The following DARS1 variants were observed in gnomAD, a reference collection of about 807,000 sequenced individuals.
DARS1 encodes aspartate--tRNA ligase, cytoplasmic.
DARS1 carries 51 observed loss-of-function variants against 68.8 expected under a neutral mutation model. That is an observed-to-expected ratio of 0.74 (90% CI 0.59 to 0.94). The LOEUF is 0.94. Among genes scored for constraint, DARS1 ranks in the 40% least tolerant of loss-of-function variants. DARS1 has a pLI of 0.00. For synonymous variants in DARS1, 203 were observed against 190.4 expected (o/e 1.07, Z -0.55); for missense variants, 607 against 597.3 (o/e 1.02, Z -0.17).
At chr2:135,941,965 C>T (rs1301487590) in intron 5 of DARS1, among the ~76,000 whole-genome samples, 1 of 152,178 alleles carries the variant, frequency 6.6e-6, no homozygotes, top group African/African-American at 2.4e-5. Flanking sequence ...TACCATCTCA[C>T]ACCAGTTAGA....
rs78143716 is a variant in DARS1, at chr2:135,936,925, G to A, written c.424-2935C>T. Among the ~76,000 whole-genome samples, 1,271 of 152,238 alleles carry A rather than the reference G, an allele frequency of 8.3e-3. 14 individuals are homozygous for A. The highest frequency in any genetic ancestry group is 0.027 in the African/African-American group (1,127 of 41,542). On this transcript the variant is annotated intron_variant, in intron 5 of 15. Transcript: ENST00000264161. ...GACTCTTACATATGGTCATGCATGT[G>A]CACACGGATCAGGGCGGGAAGAGGC...
At position 135,943,470 on chromosome 2, in the gene DARS1, CTT is replaced by C; in HGVS notation, c.329_330del (p.Lys110ArgfsTer26). The C allele has an allele frequency of 6.2e-7, 1 of 1,612,982 alleles. No individual in the cohort carries two copies. Among genetic ancestry groups the C allele is most frequent in the Non-Finnish European group, 8.5e-7 (1 of 1,179,626 alleles). On this transcript the variant is annotated frameshift_variant, in exon 5 of 16. Coordinates refer to ENST00000264161, the MANE Select transcript of DARS1 (RefSeq NM_001349.4). LOFTEE classifies it high-confidence loss of function. ...QMVKFAANINKESIVDVEGVV... is the reference protein window; with the variant it reads ...QMVKFAANINXESIVDVEGVV... ...ACACCTTCTACATCCACAATGCTCT[CTT>C]TGTTGATGCTGTCAAGAGAAAAAAT...
intron 15 of DARS1, among the ~76,000 whole-genome samples, 183 bp from the exon 16 acceptor site, chr2:135,907,590 G>A (rs1680815335): frequency 1.3e-5 from 2 of 152,122 alleles, no homozygotes; most frequent in African/African-American, 4.8e-5. Context: ...TAAAGATGCT[G>A]CTATAAATGA....
At position 135,941,668 on chromosome 2, in the gene DARS1, T is replaced by A. The variant is rs553337433; in HGVS notation, c.423+1710A>T. ...GCCAAAATTGACAAATGGGATCTAA[T>A]TAAACTAAAGAGCTTCTGCACAGCA... is the stretch of plus-strand genomic sequence containing the variant. On this transcript the variant is annotated intron_variant, in intron 5 of 15. Transcript: ENST00000264161. 3.2e-3 allele frequency among the ~76,000 whole-genome samples: 475 copies of A among 150,750 alleles called. 1 individual carries two copies. The highest frequency in any genetic ancestry group is 0.011 in the African/African-American group (461 of 41,176).
At chr2:135,961,918 A>G (rs1209217330) in intron 3 of DARS1, among the ~76,000 whole-genome samples, 1 of 152,240 alleles carries the variant, frequency 6.6e-6, no homozygotes. Flanking sequence ...TACTGCAACC[A>G]CAAAAGTGCT....
intron 7 of DARS1, among the ~76,000 whole-genome samples, chr2:135,928,408 T>C (rs1222700545): frequency 6.6e-6 from 1 of 152,070 alleles, no homozygotes; most frequent in Non-Finnish European, 1.5e-5. Flanking sequence ...TTTTTTTTTG[T>C]TTTTTGAGAT....
intron 7 of DARS1, among the ~76,000 whole-genome samples, chr2:135,927,685 TAAAC>T (rs1186643005): frequency 6.6e-6 from 1 of 152,072 alleles, no homozygotes; most frequent in African/African-American, 2.4e-5. Flanking sequence ...AGGTAGAAGA[TAAAC>T]TAAACAGAAA....
At chr2:135,910,879 T>C in intron 15 of DARS1, 1 of 358,336 alleles carries the variant, frequency 2.8e-6, no homozygotes, top group Non-Finnish European at 5.2e-6. Flanking sequence ...TTTGTGCTAA[T>C]GCGAATGAAC....
rs1467378978 is a variant in DARS1 at position 135,910,297 on chromosome 2, C to A, written c.1414+842G>T. Among the ~76,000 whole-genome samples the A allele has an allele frequency of 2.6e-5, 4 of 152,280 alleles. No individual in the cohort carries two copies. The East Asian group carries it at 7.7e-4, about 29-fold the overall frequency. ...TACATTCCCATCAACTATTTACAAA[C>A]AAGGATTCCCTTTTCTCCACATCCT... On this transcript the variant is annotated intron_variant, in intron 15 of 15. Transcript: ENST00000264161.
At chr2:135,932,068 G>C (rs1313221472) in intron 7 of DARS1, among the ~76,000 whole-genome samples, 2 of 152,080 alleles carry the variant, frequency 1.3e-5, no homozygotes, top group Non-Finnish European at 2.9e-5. Context: ...AAAGGTAGAA[G>C]ACAAAAAGCA....
intron 3 of DARS1, among the ~76,000 whole-genome samples, chr2:135,974,141 T>C (rs931685466): frequency 5.9e-5 from 9 of 152,224 alleles, no homozygotes; most frequent in African/African-American, 9.6e-5. Context: ...AAGGGACGCT[T>C]ATTTACAGTA....
intron 10 of DARS1, among the ~76,000 whole-genome samples, chr2:135,917,092 T>C (rs1681021350): frequency 6.6e-6 from 1 of 151,586 alleles, no homozygotes; most frequent in African/African-American, 2.4e-5. Context: ...GCCTGAGAGG[T>C]GAAGGCTGCA....
chr2:135,968,657 G>A (rs939812253), intron 3 of DARS1, among the ~76,000 whole-genome samples: 1 of 143,716 alleles, frequency 7.0e-6, no homozygotes, highest in Non-Finnish European at 1.5e-5. Flanking sequence ...TGGGGATTCA[G>A]CTTTTTTTTT....
intron 15 of DARS1, among the ~76,000 whole-genome samples, chr2:135,909,172 T>C (rs1680848254): frequency 6.6e-6 from 1 of 152,098 alleles, no homozygotes; most frequent in Non-Finnish European, 1.5e-5. Context: ...AAAAGAGCAA[T>C]GCATGCAGGG....
At chr2:135,951,082 A>G (rs1271200566) in intron 4 of DARS1, among the ~76,000 whole-genome samples, 2 of 152,186 alleles carry the variant, frequency 1.3e-5, no homozygotes, top group African/African-American at 4.8e-5. Flanking sequence ...AGATTGGTGG[A>G]AATTATAATC....
chr2:135,926,349 T>C (rs977285807), intron 7 of DARS1, among the ~76,000 whole-genome samples: 2 of 152,240 alleles, frequency 1.3e-5, no homozygotes, highest in Non-Finnish European at 2.9e-5. Flanking sequence ...GTAACATTTA[T>C]GGGGAAAACG....
intron 3 of DARS1, among the ~76,000 whole-genome samples, chr2:135,963,280 C>T (rs1042929886): frequency 2.0e-5 from 3 of 151,994 alleles, no homozygotes; most frequent in East Asian, 1.9e-4. Flanking sequence ...AAAATGGAGA[C>T]GGTAAGAGTC....
At chr2:135,910,072 G>A (rs529102828) in intron 15 of DARS1, among the ~76,000 whole-genome samples, 2 of 152,154 alleles carry the variant, frequency 1.3e-5, no homozygotes, top group Non-Finnish European at 2.9e-5. Context: ...TCCACTGATG[G>A]ACACTAAGGT....
At chr2:135,980,263 C>T (rs866666586) in intron 2 of DARS1, among the ~76,000 whole-genome samples, 1 of 152,208 alleles carries the variant, frequency 6.6e-6, no homozygotes, top group African/African-American at 2.4e-5. Context: ...GATGTGTATA[C>T]AACGCAACAT....
Sources: gnomAD v4.1 joint callset for allele counts (sites outside exome capture counted in the v4.1 genomes callset) on GRCh38, gnomAD v4.1.1 for gene constraint, MANE v1.5 for transcripts, NCBI Gene and HGNC (gene_info 2026-07-23, HGNC 2026-07-21) for gene names.